Variants in FHIT observed in about 807,000 individuals in gnomAD.
The protein encoded by FHIT is fragile histidine triad diadenosine triphosphatase.
A neutral mutation model predicts 17.9 loss-of-function variants in FHIT; 19 were observed. The ratio of observed to expected loss-of-function variants is 1.06; its 90% CI spans 0.74 to 1.56. The LOEUF is 1.56. Ranked by LOEUF, FHIT falls within the 40% of genes most tolerant of loss-of-function variation. The pLI is 0.00. For missense variants in FHIT, 248 were observed against 189.2 expected (o/e 1.31, Z -1.82); for synonymous variants, 81 against 69.7 (o/e 1.16, Z -0.81).
intron 5 of FHIT, among the ~76,000 whole-genome samples, chr3:60,017,352 G>A (rs1004421733): frequency 6.8e-6 from 1 of 147,536 alleles, no homozygotes; most frequent in Admixed American, 6.7e-5. Context: ...AGATCAAAAA[G>A]GGGGGAGAGT....
intron 5 of FHIT, among the ~76,000 whole-genome samples, chr3:60,429,332 G>C (rs1702790582): frequency 6.6e-6 from 1 of 152,066 alleles, no homozygotes; most frequent in Admixed American, 6.6e-5. Flanking sequence ...CTTTGGACAA[G>C]ATTTGAGTAA....
At chr3:61,008,385 T>C (rs900618535) in intron 3 of FHIT, among the ~76,000 whole-genome samples, 1 of 152,184 alleles carries the variant, frequency 6.6e-6, no homozygotes, top group Non-Finnish European at 1.5e-5. Context: ...AAGGCTGCAG[T>C]TGGCAAGGGC....
chr3:60,282,831 A>C (rs1707526080), intron 5 of FHIT, among the ~76,000 whole-genome samples: 1 of 152,182 alleles, frequency 6.6e-6, no homozygotes, highest in Non-Finnish European at 1.5e-5. Flanking sequence ...GATGATCTCT[A>C]GGCTCTGGAT....
intron 5 of FHIT, among the ~76,000 whole-genome samples, chr3:60,066,206 T>C (rs568103959): frequency 8.5e-5 from 13 of 152,220 alleles, no homozygotes; most frequent in Admixed American, 3.9e-4. Flanking sequence ...AGCTCTTTTA[T>C]TTAAAAAAAA....
intron 4 of FHIT, among the ~76,000 whole-genome samples, chr3:60,615,829 A>C (rs942892642): frequency 2.0e-5 from 3 of 152,224 alleles, no homozygotes; most frequent in Non-Finnish European, 2.9e-5. Flanking sequence ...TGCAAAGCTG[A>C]TGGCAAGAAC....
chr3:60,396,864 A>AT (rs530293690), intron 5 of FHIT, among the ~76,000 whole-genome samples: 19 of 151,774 alleles, frequency 1.3e-4, no homozygotes, highest in East Asian at 9.7e-4. Flanking sequence ...CATATAAAGA[A>AT]TTTTTTTTTG....
At chr3:60,488,156 G>A (rs192444003) in intron 5 of FHIT, among the ~76,000 whole-genome samples, 2 of 152,286 alleles carry the variant, frequency 1.3e-5, no homozygotes. Flanking sequence ...TTTGTTAAAT[G>A]ATGAGGAAAC....
At chr3:59,903,224 GT>G (rs1384358956) in intron 8 of FHIT, among the ~76,000 whole-genome samples, 2 of 152,180 alleles carry the variant, frequency 1.3e-5, no homozygotes, top group African/African-American at 4.8e-5. Flanking sequence ...TATATGAAAT[GT>G]CCATAACAGG....
intron 4 of FHIT, among the ~76,000 whole-genome samples, chr3:60,580,276 C>T (rs782375639): frequency 1.3e-5 from 2 of 152,104 alleles, no homozygotes; most frequent in Non-Finnish European, 2.9e-5. Flanking sequence ...TTAATGACAA[C>T]TTCACTCCCA....
At chr3:60,191,717 A>G (rs1702410994) in intron 5 of FHIT, among the ~76,000 whole-genome samples, 3 of 152,344 alleles carry the variant, frequency 2.0e-5, no homozygotes, top group Admixed American at 2.0e-4. Context: ...CCTTATCCCA[A>G]ATAAATTGGA....
intron 2 of FHIT, among the ~76,000 whole-genome samples, chr3:61,147,651 T>C (rs750096136): frequency 8.2e-6 from 1 of 122,694 alleles, no homozygotes; most frequent in Non-Finnish European, 1.7e-5. Context: ...GACTTATAAA[T>C]GTATGAAAAT....
At chr3:60,210,948 A>G (rs1212765036) in intron 5 of FHIT, among the ~76,000 whole-genome samples, 1 of 152,068 alleles carries the variant, frequency 6.6e-6, no homozygotes, top group African/African-American at 2.4e-5. Context: ...GTTTGCACAA[A>G]GCAATTCACT....
intron 5 of FHIT, among the ~76,000 whole-genome samples, chr3:60,144,130 G>A (rs1700141674): frequency 6.6e-6 from 1 of 152,168 alleles, no homozygotes; most frequent in African/African-American, 2.4e-5. Flanking sequence ...GATTTGTGTT[G>A]ATTTGAGTTG....
rs534165159 is a variant in FHIT, at chr3:59,818,849, A to G, written c.349-66528T>C. 3.9e-5 allele frequency among the ~76,000 whole-genome samples: 6 copies of G among 152,294 alleles called. No individual in the cohort carries two copies. In the East Asian group the frequency reaches 1.2e-3, roughly 29 times the overall value. On this transcript the variant is annotated intron_variant, in intron 8 of 9. Transcript: ENST00000492590. ...CTTCCCCAAGGCAAAGGCACACAGA[A>G]ATGCTTTCCTTCCCAGCTGCCCCTT...
At chr3:60,447,720 G>A (rs1195606587) in intron 5 of FHIT, among the ~76,000 whole-genome samples, 3 of 152,128 alleles carry the variant, frequency 2.0e-5, no homozygotes, top group Admixed American at 2.0e-4. Flanking sequence ...GATGGAGAAT[G>A]TTGCTGACAG....
At chr3:59,769,135 C>T (rs1385601186) in intron 8 of FHIT, among the ~76,000 whole-genome samples, 1 of 152,160 alleles carries the variant, frequency 6.6e-6, no homozygotes, top group Non-Finnish European at 1.5e-5. Context: ...GATTTGTGAC[C>T]CATAATTAAT....
intron 8 of FHIT, among the ~76,000 whole-genome samples, chr3:59,830,720 C>T (rs1175445423): frequency 6.6e-6 from 1 of 152,176 alleles, no homozygotes; most frequent in Non-Finnish European, 1.5e-5. Flanking sequence ...CACAGCACAG[C>T]CAGCCACCTA....
At chr3:59,780,668 T>C (rs1367253455) in intron 8 of FHIT, among the ~76,000 whole-genome samples, 1 of 152,152 alleles carries the variant, frequency 6.6e-6, no homozygotes, top group African/African-American at 2.4e-5. Context: ...TGTGCCCTTA[T>C]AAGGACATGA....
At chr3:60,278,632 C>T (rs889648680) in intron 5 of FHIT, among the ~76,000 whole-genome samples, 1 of 151,876 alleles carries the variant, frequency 6.6e-6, no homozygotes, top group Non-Finnish European at 1.5e-5. Flanking sequence ...ACAAAAAATA[C>T]GAGCACACAG....
Sources: gnomAD v4.1 joint callset for allele counts (sites outside exome capture counted in the v4.1 genomes callset) on GRCh38, gnomAD v4.1.1 for gene constraint, MANE v1.5 for transcripts, NCBI Gene and HGNC (gene_info 2026-07-23, HGNC 2026-07-21) for gene names.